CNOT4: variants seen among roughly 807,000 people sequenced by gnomAD.
CNOT4 encodes CCR4-associated factor 4.
In CNOT4, 8 loss-of-function variants were observed where a neutral mutation model predicts 73.8. The ratio of observed to expected loss-of-function variants is 0.11; its 90% confidence interval spans 0.06 to 0.20. The LOEUF is 0.20. Among genes scored for constraint, CNOT4 ranks in the 10% least tolerant of loss-of-function variants. CNOT4 has a pLI of 1.00. For missense variants in CNOT4, 564 were observed against 883.4 expected (o/e 0.64, Z 4.58); for synonymous variants, 293 against 321.1 (o/e 0.91, Z 0.94).
intron 10 of CNOT4, among the ~76,000 whole-genome samples, chr7:135,371,994 A>G (rs750944031): frequency 7.2e-5 from 11 of 152,206 alleles, no homozygotes; most frequent in Non-Finnish European, 1.6e-4. Flanking sequence ...AGGAGATCCA[A>G]AGATGGTCAA....
At chr7:135,482,815 T>A (rs1265067078) in intron 1 of CNOT4, among the ~76,000 whole-genome samples, 2 of 151,806 alleles carry the variant, frequency 1.3e-5, no homozygotes, top group East Asian at 3.9e-4. Context: ...ACCCTGTCTC[T>A]AATTTTGTAA....
chr7:135,457,079 C>A (rs1482084846), intron 1 of CNOT4, among the ~76,000 whole-genome samples: 1 of 151,816 alleles, frequency 6.6e-6, no homozygotes, highest in East Asian at 1.9e-4. Flanking sequence ...GCAATGGAAA[C>A]AAAGTAAAAT....
intron 7 of CNOT4, among the ~76,000 whole-genome samples, chr7:135,399,320 C>T (rs186936036): frequency 6.6e-6 from 1 of 152,220 alleles, no homozygotes; most frequent in East Asian, 1.9e-4. Context: ...GTGCCTAGTG[C>T]TCCTACGCTG....
At chr7:135,375,828 G>A (rs921219419) in intron 10 of CNOT4, among the ~76,000 whole-genome samples, 4 of 152,190 alleles carry the variant, frequency 2.6e-5, no homozygotes, top group Non-Finnish European at 5.9e-5. Context: ...AGGAGGCTGA[G>A]GCAGGAGAAT....
chr7:135,449,903 C>G (rs1022183653), intron 1 of CNOT4, among the ~76,000 whole-genome samples: 1 of 151,128 alleles, frequency 6.6e-6, no homozygotes, highest in Admixed American at 6.6e-5. Flanking sequence ...GATATTCCAG[C>G]AGGAAGGAAG....
chr7:135,482,230 A>T (rs1300485255), intron 1 of CNOT4, among the ~76,000 whole-genome samples: 3 of 152,208 alleles, frequency 2.0e-5, no homozygotes, highest in African/African-American at 7.2e-5. Context: ...CTAAAAAATT[A>T]AAGAAACTGA....
intron 1 of CNOT4, among the ~76,000 whole-genome samples, chr7:135,452,444 C>CT (rs1163033183): frequency 2.0e-5 from 3 of 152,114 alleles, no homozygotes; most frequent in African/African-American, 7.2e-5. Flanking sequence ...GTGGCACACA[C>CT]TTGTAATCCC....
rs1273397654 is a variant in CNOT4 at position 135,395,854 on chromosome 7, T to C, written c.909A>G (p.Pro303=). 7 of 1,609,516 alleles carry C rather than the reference T, an allele frequency of 4.3e-6. No homozygotes were observed. The highest frequency in any genetic ancestry group is 6.0e-6 in the Non-Finnish European group (7 of 1,175,932). The change falls in exon 9 of 12, where the codon CCA becomes CCG. Residue 303 remains proline, a synonymous_variant. Coordinates refer to ENST00000541284, the MANE Select transcript of CNOT4 (RefSeq NM_001190850.2). Reference sequence around the variant, plus strand: ...CTGGATTGGATTTTGACAAACCAGGTGGTGGTGAAGGCGTATCACTGTTAG... The same window carrying C: ...CTGGATTGGATTTTGACAAACCAGGCGGTGGTGAAGGCGTATCACTGTTAG... ...QISNSDTPSP[P]PGLSKSNPVI...
intron 3 of CNOT4, among the ~76,000 whole-genome samples, chr7:135,417,829 G>C (rs1164018575): frequency 1.3e-5 from 2 of 152,136 alleles, no homozygotes; most frequent in East Asian, 1.9e-4. Context: ...TGCAGATTGA[G>C]GTCTTTCTCA....
intron 1 of CNOT4, among the ~76,000 whole-genome samples, chr7:135,481,711 G>A (rs1298279689): frequency 6.6e-6 from 1 of 152,108 alleles, no homozygotes; most frequent in African/African-American, 2.4e-5. Flanking sequence ...ATCAGCAGAT[G>A]AAATAAAGAA....
chr7:135,446,728 CACACACACAG>C (rs1304697748), intron 1 of CNOT4, among the ~76,000 whole-genome samples: 1 of 151,698 alleles, frequency 6.6e-6, no homozygotes, highest in African/African-American at 2.4e-5. Flanking sequence ...CACAGACACA[CACACACACAG>C]ACACACACAC....
intron 10 of CNOT4, among the ~76,000 whole-genome samples, chr7:135,379,536 G>T (rs1224057699): frequency 6.6e-6 from 1 of 152,166 alleles, no homozygotes; most frequent in Non-Finnish European, 1.5e-5. Flanking sequence ...TCTAAATGGG[G>T]ATTGGGGGGA....
chr7:135,372,574 G>A (rs1411369421), intron 10 of CNOT4, among the ~76,000 whole-genome samples: 1 of 52,378 alleles, frequency 1.9e-5, no homozygotes, highest in African/African-American at 7.3e-5. Flanking sequence ...TTTTTTTTTT[G>A]GAGACGGAGT....
intron 1 of CNOT4, among the ~76,000 whole-genome samples, chr7:135,484,599 T>C (rs1438111209): frequency 6.6e-6 from 1 of 151,866 alleles, no homozygotes; most frequent in Non-Finnish European, 1.5e-5. Flanking sequence ...ATACTAAAAA[T>C]ACAAAAATTA....
intron 8 of CNOT4, among the ~76,000 whole-genome samples, chr7:135,396,828 CTT>C (rs1796722792): frequency 6.6e-6 from 1 of 152,122 alleles, no homozygotes; most frequent in Non-Finnish European, 1.5e-5. Flanking sequence ...AAACTTGGCT[CTT>C]TTACCAATAG....
At chr7:135,444,716 C>A in intron 1 of CNOT4, 1 of 1,297,188 alleles carries the variant, frequency 7.7e-7, no homozygotes, top group Non-Finnish European at 1.1e-6. Flanking sequence ...TGAATCCTTG[C>A]TCTGCGATGG....
At chr7:135,494,551 C>T (rs973129350) in intron 1 of CNOT4, among the ~76,000 whole-genome samples, 6 of 147,488 alleles carry the variant, frequency 4.1e-5, no homozygotes, top group Non-Finnish European at 7.5e-5. Context: ...GGTAGATTAA[C>T]TTATTAATCC....
At chr7:135,424,048 C>G (rs113097527) in intron 2 of CNOT4, among the ~76,000 whole-genome samples, 4 of 24,652 alleles carry the variant, frequency 1.6e-4, no homozygotes, top group African/African-American at 1.0e-3. Context: ...AAAACACACA[C>G]ACACACACAC....
chr7:135,408,869 C>A (rs1197920984), intron 7 of CNOT4, among the ~76,000 whole-genome samples: 2 of 152,150 alleles, frequency 1.3e-5, no homozygotes, highest in Non-Finnish European at 2.9e-5. Flanking sequence ...GGAGGGCATG[C>A]TGTACACAAA....
Sources: allele counts gnomAD v4.1 joint callset (sites outside exome capture counted in the v4.1 genomes callset), GRCh38; gene constraint gnomAD v4.1.1; transcripts MANE v1.5; gene names NCBI Gene and HGNC (gene_info 2026-07-23, HGNC 2026-07-21).